DLG2: variants seen among roughly 807,000 people sequenced by gnomAD.
DLG2 encodes discs large MAGUK scaffold protein 2, also known as disks large homolog 2.
DLG2 carries 45 observed loss-of-function variants against 132.5 expected under a neutral mutation model. The observed-to-expected ratio is 0.34, with a 90% CI of 0.27 to 0.44. The LOEUF is 0.44. Among genes scored for constraint, DLG2 ranks in the 20% least tolerant of loss-of-function variants. DLG2 has a pLI of 1.00. For synonymous variants in DLG2, 424 were observed against 419.6 expected (o/e 1.01, Z -0.13); for missense variants, 1,045 against 1,196.9 (o/e 0.87, Z 1.87).
intron 23 of DLG2, 66 bp downstream of exon 23, chr11:83,472,661 C>T (rs1382513394): frequency 1.8e-5 from 26 of 1,415,784 alleles, no homozygotes; most frequent in African/African-American, 2.9e-5. Context: ...TCACTCTTTC[C>T]CTCCTTCAAT....
At chr11:84,095,803 G>A (rs1187231914) in intron 10 of DLG2, among the ~76,000 whole-genome samples, 1 of 152,136 alleles carries the variant, frequency 6.6e-6, no homozygotes, top group Non-Finnish European at 1.5e-5. Context: ...AATGTGGATT[G>A]GGGAGAAGGT....
intron 7 of DLG2, among the ~76,000 whole-genome samples, chr11:84,255,065 C>A (rs551205142): frequency 6.6e-6 from 1 of 150,868 alleles, no homozygotes; most frequent in East Asian, 2.0e-4. Flanking sequence ...ACCTTCACAG[C>A]CCACCCCAGA....
At chr11:84,184,132 A>T (rs1344356558) in intron 8 of DLG2, among the ~76,000 whole-genome samples, 2 of 152,124 alleles carry the variant, frequency 1.3e-5, no homozygotes, top group Non-Finnish European at 2.9e-5. Context: ...TTAGTTCTAG[A>T]TCCCTGAGGA....
intron 6 of DLG2, chr11:84,762,210 A>T (rs1055941176): frequency 6.6e-6 from 1 of 152,196 alleles, no homozygotes; most frequent in Non-Finnish European, 1.5e-5. Flanking sequence ...TCATTTAAAC[A>T]TTTTTATTAC....
chr11:84,319,666 T>C (rs528150820), intron 7 of DLG2, among the ~76,000 whole-genome samples: 3 of 152,340 alleles, frequency 2.0e-5, no homozygotes, highest in South Asian at 2.1e-4. Context: ...TTAAATCTGT[T>C]ATGAATGGGT....
At chr11:83,939,778 T>C (rs1024931579) in intron 14 of DLG2, among the ~76,000 whole-genome samples, 3 of 152,212 alleles carry the variant, frequency 2.0e-5, no homozygotes, top group Non-Finnish European at 4.4e-5. Flanking sequence ...TTTATTCATC[T>C]ATATACTTCT....
chr11:85,437,854 A>G (rs1266589227), intron 3 of DLG2, among the ~76,000 whole-genome samples: 4 of 152,248 alleles, frequency 2.6e-5, no homozygotes, highest in African/African-American at 9.6e-5. Context: ...CTTCATGAAA[A>G]TTTTGGACGT....
chr11:85,443,382 A>T (rs894984706), intron 3 of DLG2, among the ~76,000 whole-genome samples: 3 of 152,240 alleles, frequency 2.0e-5, no homozygotes, highest in African/African-American at 7.2e-5. Flanking sequence ...TGGGTAATCT[A>T]GCTGTGTAAT....
At chr11:84,746,006 A>G (rs1482198470) in intron 6 of DLG2, among the ~76,000 whole-genome samples, 3 of 152,212 alleles carry the variant, frequency 2.0e-5, no homozygotes, top group African/African-American at 7.2e-5. Context: ...TCAGGTCTAT[A>G]AACATTAACT....
rs751942335 is a variant in DLG2 at position 83,874,404 on chromosome 11, T to C, written c.1565+16A>G. On this transcript the variant is annotated intron_variant, in intron 16 of 27. Transcript: ENST00000376104. ...CAAGGCTGCACAGTTTAAGAGGTTC[T>C]GTATTATTATCTTACCCTTCCAGGG... The C allele has an allele frequency of 1.3e-6, 2 of 1,571,834 alleles. No individual in the cohort carries two copies. The highest frequency in any genetic ancestry group is 4.6e-5 in the East Asian group (2 of 43,480).
At chr11:85,232,788 A>G (rs949091114) in intron 4 of DLG2, among the ~76,000 whole-genome samples, 1 of 151,978 alleles carries the variant, frequency 6.6e-6, no homozygotes, top group African/African-American at 2.4e-5. Context: ...AAATTACCTT[A>G]ATTTTTCCAT....
At chr11:85,456,967 T>C (rs1216731706) in intron 3 of DLG2, among the ~76,000 whole-genome samples, 2 of 152,090 alleles carry the variant, frequency 1.3e-5, no homozygotes, top group African/African-American at 4.8e-5. Context: ...AAGTGTTGAG[T>C]TCAGGTCCTG....
chr11:85,009,896 C>G (rs1040111994), intron 6 of DLG2, among the ~76,000 whole-genome samples: 11 of 152,102 alleles, frequency 7.2e-5, no homozygotes, highest in Admixed American at 2.6e-4. Context: ...CCTAAACCAG[C>G]ATATGTAAAT....
intron 6 of DLG2, among the ~76,000 whole-genome samples, chr11:84,814,439 A>G (rs759418235): frequency 1.3e-4 from 20 of 152,016 alleles, no homozygotes; most frequent in Non-Finnish European, 2.4e-4. Flanking sequence ...AAATCTCACC[A>G]TGTCTCTCCA....
chr11:83,523,242 T>A (rs2095528057), intron 21 of DLG2, among the ~76,000 whole-genome samples: 1 of 152,210 alleles, frequency 6.6e-6, no homozygotes, highest in Non-Finnish European at 1.5e-5. Flanking sequence ...GAGCTAAATT[T>A]TCTGAATAAT....
chr11:84,950,533 A>G (rs932853362), intron 6 of DLG2, among the ~76,000 whole-genome samples: 1 of 152,294 alleles, frequency 6.6e-6, no homozygotes, highest in Middle Eastern at 3.4e-3. Flanking sequence ...AATATATATA[A>G]ATCTATATAC....
intron 6 of DLG2, among the ~76,000 whole-genome samples, chr11:84,758,013 A>C (rs947744805): frequency 1.3e-5 from 2 of 152,200 alleles, no homozygotes; most frequent in Non-Finnish European, 2.9e-5. Context: ...AATAATCTAC[A>C]ATCTGTATTC....
rs188835188 is a variant in DLG2 at position 84,553,117 on chromosome 11, C to A, written c.358-18386G>T. Among the ~76,000 whole-genome samples, 11 of 152,282 alleles carry A rather than the reference C, an allele frequency of 7.2e-5. No homozygotes were observed. In the East Asian group the frequency reaches 1.4e-3, roughly 19 times the overall value. On this transcript the variant is annotated intron_variant, in intron 6 of 27. Transcript: ENST00000376104. ...CAAATCACAGGTGAGAAATACCTTG[C>A]TCTTTTTAAGATTCTTTTCATGTCA...
chr11:83,675,317 T>C (rs1054157360), intron 18 of DLG2, among the ~76,000 whole-genome samples: 1 of 152,232 alleles, frequency 6.6e-6, no homozygotes, highest in Non-Finnish European at 1.5e-5. Context: ...CTATGTCTCA[T>C]TCGCAAAGTG....
Sources: allele counts gnomAD v4.1 joint callset (sites outside exome capture counted in the v4.1 genomes callset), GRCh38; gene constraint gnomAD v4.1.1; transcripts MANE v1.5; gene names NCBI Gene and HGNC (gene_info 2026-07-23, HGNC 2026-07-21).